The following CACNA1B variants were observed in gnomAD, a reference collection of about 807,000 sequenced individuals.
CACNA1B encodes calcium voltage-gated channel subunit alpha1 B, also known as voltage-dependent N-type calcium channel subunit alpha-1B.
Under a neutral mutation model 247.2 loss-of-function variants are expected in CACNA1B, and 70 were observed. The observed-to-expected ratio is 0.28, with a 90% CI of 0.23 to 0.35. The LOEUF is 0.35. Among genes scored for constraint, CACNA1B ranks in the 10% least tolerant of loss-of-function variants. The pLI, the probability that CACNA1B is intolerant of heterozygous loss-of-function variation, is 1.00. For synonymous variants in CACNA1B, 1,231 were observed against 1,294.4 expected, an observed-to-expected ratio of 0.95 and a Z score of 1.05; for missense variants, 2,367 against 3,197.4, an observed-to-expected ratio of 0.74 and a Z score of 6.26.
chr9:138,113,735 G>A (rs1428578489), intron 40 of CACNA1B, among the ~76,000 whole-genome samples: 2 of 123,818 alleles, frequency 1.6e-5, no homozygotes, highest in Non-Finnish European at 1.7e-5. Context: ...GGAGTGCCGG[G>A]AGGTGCCCAA....
At position 138,073,399 on chromosome 9, in the gene CACNA1B, G is replaced by A. The variant is rs1960200638; in HGVS notation, c.4675-89G>A. ...TTAACCACTTTTCTTTGGGGCCACA[G>A]GGATGTGGGAAGAGGTTGTAGGGTG... On this transcript the variant is annotated intron_variant, in intron 32 of 46. Coordinates refer to ENST00000371372, the MANE Select transcript of CACNA1B (RefSeq NM_000718.4). This position sits in a 1 kb window ranked among gnomAD's most constrained non-coding sequence, Gnocchi z 6.4. 2 of 751,810 alleles carry A rather than the reference G, an allele frequency of 2.7e-6. No homozygotes were observed. The highest frequency in any genetic ancestry group is 4.8e-6 in the Non-Finnish European group (2 of 416,670). 46.6% of individuals were successfully genotyped at this position (751,810 alleles called of 1,614,324 possible).
chr9:138,028,455 C>T (rs955018893), intron 20 of CACNA1B, among the ~76,000 whole-genome samples: 12 of 152,198 alleles, frequency 7.9e-5, no homozygotes, highest in Non-Finnish European at 1.5e-4. Context: ...TAAAATGCTT[C>T]ACATATTGTT....
chr9:138,023,385 C>A lies in CACNA1B; in HGVS notation c.2642C>A (p.Ala881Asp). 5 of 1,375,186 alleles carry A rather than the reference C, an allele frequency of 3.6e-6. No homozygotes were observed. Among genetic ancestry groups the A allele is most frequent in the East Asian group, 3.1e-5 (1 of 32,470 alleles). The allele number at this position is 1,375,186 out of a possible 1,614,324, so 85.2% of individuals were successfully genotyped here. Reference sequence around the variant, plus strand: ...AAGGCGGAGAGCGGGGAGCCCGGTGCCCGGGAGGAGCGGCCGCGGCCGCAC... The same window carrying A: ...AAGGCGGAGAGCGGGGAGCCCGGTGACCGGGAGGAGCGGCCGCGGCCGCAC... ...APKAESGEPGAREERPRPHRS... is the reference protein window; with the variant it reads ...APKAESGEPGDREERPRPHRS... The change falls in exon 19 of 47, where the codon GCC becomes GAC. Residue 881 changes from alanine (A) to aspartate (D), a missense_variant. Physicochemically the swap from Ala to Asp is moderately radical, Grantham distance 126 (BLOSUM62 -2). Transcript: ENST00000371372.
chr9:137,910,716 T>C (rs1957350460), intron 3 of CACNA1B, among the ~76,000 whole-genome samples: 1 of 151,950 alleles, frequency 6.6e-6, no homozygotes, highest in South Asian at 2.1e-4. Context: ...CCTATGAGAA[T>C]CTAATACCAC....
At chr9:138,044,680 C>T (rs1464372742) in intron 21 of CACNA1B, among the ~76,000 whole-genome samples, 1 of 152,184 alleles carries the variant, frequency 6.6e-6, no homozygotes, top group Non-Finnish European at 1.5e-5. Context: ...CTTGCCCGGC[C>T]AGAGCAGGGG....
chr9:138,042,764 C>T (rs976195483), intron 20 of CACNA1B, among the ~76,000 whole-genome samples: 1 of 152,308 alleles, frequency 6.6e-6, no homozygotes, highest in Admixed American at 6.5e-5. Context: ...TGTTTTCATG[C>T]TCACCTCGAA....
chr9:138,026,804 G>T (rs1164368020), intron 20 of CACNA1B, among the ~76,000 whole-genome samples: 1 of 152,134 alleles, frequency 6.6e-6, no homozygotes, highest in African/African-American at 2.4e-5. Context: ...CATGCTTATT[G>T]GATTATATGG....
intron 32 of CACNA1B, among the ~76,000 whole-genome samples, chr9:138,070,550 T>A (rs1446060362): frequency 6.6e-6 from 1 of 152,240 alleles, no homozygotes; most frequent in Admixed American, 6.5e-5. Context: ...TAGCTGTGAC[T>A]GTGGAAATTA....
chr9:137,969,368 G>A (rs1325035423), intron 10 of CACNA1B, among the ~76,000 whole-genome samples: 1 of 152,234 alleles, frequency 6.6e-6, no homozygotes, highest in Non-Finnish European at 1.5e-5. Flanking sequence ...TGTGACAGGC[G>A]AGGATGTGTG....
chr9:138,087,647 G>A (rs1347563030), intron 36 of CACNA1B, among the ~76,000 whole-genome samples: 3 of 146,380 alleles, frequency 2.0e-5, no homozygotes, highest in Non-Finnish European at 4.5e-5. Flanking sequence ...CCCAGGAGGC[G>A]GAGGTTGCAG....
chr9:137,885,024 G>T (rs1684010601), intron 3 of CACNA1B, among the ~76,000 whole-genome samples: 1 of 125,650 alleles, frequency 8.0e-6, no homozygotes, highest in Non-Finnish European at 1.6e-5. Context: ...TCTGTCTCTG[G>T]CCCTCTTGGT....
intron 37 of CACNA1B, among the ~76,000 whole-genome samples, chr9:138,097,310 A>G (rs1961087721): frequency 6.6e-6 from 1 of 152,096 alleles, no homozygotes; most frequent in African/African-American, 2.4e-5. Context: ...CATGAAGGGC[A>G]TGGTTTGGGT....
At position 138,058,594 on chromosome 9, in the gene CACNA1B, G is replaced by A. The variant is rs1959600311; in HGVS notation, c.4334G>A (p.Ser1445Asn). The change falls in exon 29 of 47, where the codon AGC becomes AAC. Residue 1445 changes from serine (S) to asparagine (N), a missense_variant. Physicochemically the swap from Ser to Asn is conservative, Grantham distance 46 (BLOSUM62 1). Coordinates refer to ENST00000371372, the MANE Select transcript of CACNA1B (RefSeq NM_000718.4). This position sits in a 1 kb window ranked among gnomAD's most constrained non-coding sequence, Gnocchi z 4.7. ...AGGGCTTGCATTGACTTCGCCATCA[G>A]CGCCAAACCCCTGACACGGTACATG... ...NERACIDFAISAKPLTRYMPQ... is the reference protein window; with the variant it reads ...NERACIDFAINAKPLTRYMPQ... 1 of 1,612,794 alleles carries A rather than the reference G, an allele frequency of 6.2e-7. No homozygotes were observed.
At chr9:137,994,091 C>T (rs1958467063) in intron 15 of CACNA1B, among the ~76,000 whole-genome samples, 1 of 152,000 alleles carries the variant, frequency 6.6e-6, no homozygotes, top group Non-Finnish European at 1.5e-5. Context: ...GAATTAAAAA[C>T]CAAAATCACA....
At chr9:138,076,015 A>G (rs1382551554) in intron 35 of CACNA1B, 105 bp downstream of exon 35, 2 of 736,562 alleles carry the variant, frequency 2.7e-6, no homozygotes, top group Non-Finnish European at 4.8e-6. Context: ...ACCCACTTCT[A>G]ATTCCCCGAC....
rs1962064220 is a variant in CACNA1B, at chr9:138,120,820, C to T, written c.6428C>T (p.Pro2143Leu). The T allele has an allele frequency of 8.3e-6, 13 of 1,567,092 alleles. No individual in the cohort carries two copies. Among genetic ancestry groups the T allele is most frequent in the East Asian group, 2.4e-5 (1 of 41,888 alleles). Residue 2143 changes from proline to leucine, a missense_variant, in exon 46 of 47, where the codon CCC becomes CTC. By Grantham distance (98) the Pro-to-Leu change is moderately conservative (BLOSUM62 -3). Coordinates refer to ENST00000371372, the MANE Select transcript of CACNA1B (RefSeq NM_000718.4). ...FGGREPPKPK[P>L]SLSSHPTSPT... ...GGCCGTGAGCCCCCGAAGCCCAAGC[C>T]CTCCCTCAGCAGCCACCCAACGTCG...
Position 138,120,912 on chromosome 9 carries a change from C to T in CACNA1B, c.6489+31C>T. 3 of 1,538,326 alleles carry T rather than the reference C, an allele frequency of 2.0e-6. No individual in the cohort carries two copies. The South Asian group carries it at 3.7e-5, about 19-fold the overall frequency. ...AGGAATAGGTGGAGAGGTCAGGGCCCAGCTGCCTCTCCTCGGCCCAGCACC... is the reference window on the plus strand; with the variant it reads ...AGGAATAGGTGGAGAGGTCAGGGCCTAGCTGCCTCTCCTCGGCCCAGCACC... On this transcript the variant is annotated intron_variant, in intron 46 of 46. Coordinates refer to ENST00000371372, the MANE Select transcript of CACNA1B (RefSeq NM_000718.4).
chr9:137,931,489 G>A (rs1957607662), intron 6 of CACNA1B, among the ~76,000 whole-genome samples: 1 of 152,058 alleles, frequency 6.6e-6, no homozygotes, highest in African/African-American at 2.4e-5. Context: ...TTTTCCTTTT[G>A]ATTTAGTTCT....
At position 137,932,936 on chromosome 9, in the gene CACNA1B, T is replaced by TTTA. The variant is rs201225965; in HGVS notation, c.966+15510_966+15512dup. ...TTACTTTTATTTATTTATTTATTTA[T>TTTA]TTATTATATTTTTTGAGATGGAGTC... On this transcript the variant is annotated intron_variant, in intron 6 of 46. Transcript: ENST00000371372. 2.3e-4 allele frequency among the ~76,000 whole-genome samples: 16 copies of TTTA among 68,768 alleles called. No individual in the cohort carries two copies. In the East Asian group the frequency reaches 5.6e-3, roughly 24 times the overall value. 45.1% of individuals were successfully genotyped at this position (68,768 alleles called of 152,430 possible). A position where few individuals can be genotyped will look rare whatever the true frequency, so the allele number is the denominator to read the frequency against.
Sources: allele counts gnomAD v4.1 joint callset (sites outside exome capture counted in the v4.1 genomes callset), GRCh38; gene constraint gnomAD v4.1.1; non-coding constraint Gnocchi (gnomAD v3.1); transcripts MANE v1.5; gene names NCBI Gene and HGNC (gene_info 2026-07-23, HGNC 2026-07-21).